ZNF69: variants seen among roughly 807,000 people sequenced by gnomAD.
The protein encoded by ZNF69 is zinc finger protein 69.
Under a neutral mutation model 50.9 loss-of-function variants are expected in ZNF69, and 47 were observed. The ratio of observed to expected loss-of-function variants is 0.92; its 90% confidence interval spans 0.73 to 1.18. The LOEUF is 1.18. Ranked by LOEUF, ZNF69 falls within the 50% of genes most tolerant of loss-of-function variation. The pLI, the probability that ZNF69 is intolerant of heterozygous loss-of-function variation, is 0.00. For missense variants in ZNF69, 717 were observed against 675.1 expected, an observed-to-expected ratio of 1.06 and a Z score of -0.69; for synonymous variants, 216 against 223.1, an observed-to-expected ratio of 0.97 and a Z score of 0.29.
chr19:11,894,911 C>A (rs539786105), intron 1 of ZNF69, among the ~76,000 whole-genome samples: 1 of 152,166 alleles, frequency 6.6e-6, no homozygotes, highest in African/African-American at 2.4e-5. Context: ...CCCACCCCAA[C>A]GGGGTGGACC....
At chr19:11,921,287 A>G in the ZNF69 span, among the ~76,000 whole-genome samples, 1 of 151,860 alleles carries the variant, frequency 6.6e-6, no homozygotes, top group African/African-American at 2.4e-5. Context: ...CTCCTGCCTC[A>G]GCCTCCCAAG....
chr19:11,931,957 AAC>A, the ZNF69 span, among the ~76,000 whole-genome samples: 4 of 147,780 alleles, frequency 2.7e-5, no homozygotes, highest in East Asian at 7.8e-4. Flanking sequence ...CTCTACTAAA[AAC>A]ACAAAATTAG....
chr19:11,955,382 C>A, the ZNF69 span, among the ~76,000 whole-genome samples: 1 of 147,788 alleles, frequency 6.8e-6, no homozygotes, highest in Non-Finnish European at 1.5e-5. Context: ...TGGATGATTT[C>A]TTTTTCTTTC....
At chr19:11,979,512 A>T in the ZNF69 span, 2 of 1,602,418 alleles carry the variant, frequency 1.2e-6, no homozygotes, top group South Asian at 2.2e-5. Flanking sequence ...TTTCAAAGAC[A>T]TGAAAAAACT....
chr19:11,925,325 A>AGGCGGGAACCGGCTGT, the ZNF69 span: 2 of 1,602,054 alleles, frequency 1.2e-6, no homozygotes, highest in East Asian at 4.5e-5. Context: ...TGCCTGGAAC[A>AGGCGGGAACCGGCTGT]GGCGGGAACC....
intron 4 of ZNF69, among the ~76,000 whole-genome samples, chr19:11,912,016 G>A (rs1336470677): frequency 1.3e-5 from 2 of 152,108 alleles, no homozygotes; most frequent in Admixed American, 1.3e-4. Context: ...ACTCACACTG[G>A]AGAGAAACCC....
the ZNF69 span, among the ~76,000 whole-genome samples, chr19:11,941,706 C>T: frequency 6.6e-6 from 1 of 152,328 alleles, no homozygotes; most frequent in East Asian, 1.9e-4. Context: ...GCTGAGGGAG[C>T]CGGCTCCCGC....
chr19:11,977,398 A>T, the ZNF69 span: 1 of 1,614,038 alleles, frequency 6.2e-7, no homozygotes, highest in Non-Finnish European at 8.5e-7. Context: ...CAGAACATTG[A>T]ATATGAGTAC....
chr19:11,923,724 G>A, the ZNF69 span, among the ~76,000 whole-genome samples: 1 of 152,244 alleles, frequency 6.6e-6, no homozygotes, highest in Non-Finnish European at 1.5e-5. Context: ...GAGGAGAGCA[G>A]GGACTCTGCT....
the ZNF69 span, among the ~76,000 whole-genome samples, chr19:11,963,758 G>T: frequency 6.6e-6 from 1 of 152,026 alleles, no homozygotes; most frequent in African/African-American, 2.4e-5. Flanking sequence ...TGCTCTCCCG[G>T]GCTCCGGGCC....
chr19:11,949,835 C>T, the ZNF69 span: 1 of 1,611,362 alleles, frequency 6.2e-7, no homozygotes, highest in Non-Finnish European at 8.5e-7. Flanking sequence ...TTCAGTTGTG[C>T]CTCAAACCTT....
At chr19:11,979,825 A>C in the ZNF69 span, 1 of 1,564,356 alleles carries the variant, frequency 6.4e-7, no homozygotes, top group South Asian at 1.1e-5. Context: ...AAGCCTTCAG[A>C]TCTGCCAAGA....
At chr19:11,891,374 TAAAA>T (rs35353560) in intron 1 of ZNF69, among the ~76,000 whole-genome samples, 2 of 126,964 alleles carry the variant, frequency 1.6e-5, no homozygotes, top group Non-Finnish European at 1.7e-5. Flanking sequence ...CTGTCTGTAT[TAAAA>T]AAAAAAAAAA....
chr19:11,971,935 G>A, the ZNF69 span, among the ~76,000 whole-genome samples: 5 of 151,992 alleles, frequency 3.3e-5, no homozygotes, highest in African/African-American at 1.2e-4. Flanking sequence ...GGTGGCAGAG[G>A]CCTGTAATCC....
intron 1 of ZNF69, among the ~76,000 whole-genome samples, chr19:11,891,750 G>A (rs1705176734): frequency 6.6e-6 from 1 of 152,134 alleles, no homozygotes; most frequent in African/African-American, 2.4e-5. Context: ...GGAGTGTAAG[G>A]ATACTTGCAG....
the ZNF69 span, among the ~76,000 whole-genome samples, chr19:11,973,993 GT>G: frequency 6.6e-6 from 1 of 152,268 alleles, no homozygotes; most frequent in South Asian, 2.1e-4. Flanking sequence ...AAGTGTCAGT[GT>G]TTGGGATTTA....
the ZNF69 span, among the ~76,000 whole-genome samples, chr19:11,938,048 G>C: frequency 2.0e-5 from 3 of 151,914 alleles, no homozygotes; most frequent in African/African-American, 4.8e-5. Flanking sequence ...TACCTTTTCT[G>C]CCTCTATTTA....
chr19:11,979,662 C>G, the ZNF69 span: 1 of 1,598,704 alleles, frequency 6.3e-7, no homozygotes, highest in Non-Finnish European at 8.5e-7. Flanking sequence ...TTCAGATCTG[C>G]CTCAATCCTT....
chr19:11,945,423 C>T, the ZNF69 span, among the ~76,000 whole-genome samples: 1 of 152,170 alleles, frequency 6.6e-6, no homozygotes, highest in Non-Finnish European at 1.5e-5. Flanking sequence ...TTCTTGGTCC[C>T]TGGCTTGGGA....
Sources: gnomAD v4.1 joint callset for allele counts (sites outside exome capture counted in the v4.1 genomes callset) on GRCh38, gnomAD v4.1.1 for gene constraint, MANE v1.5 for transcripts, NCBI Gene and HGNC (gene_info 2026-07-23, HGNC 2026-07-21) for gene names.